TSC22D2: variants seen among roughly 807,000 people sequenced by gnomAD.
The protein encoded by TSC22D2 is TSC22 domain family protein 2.
In TSC22D2, 5 loss-of-function variants were observed where a neutral mutation model predicts 50.1. The observed-to-expected ratio is 0.10, with a 90% CI of 0.05 to 0.21. The LOEUF (loss-of-function observed/expected upper bound fraction) is 0.21, where lower values mean the gene tolerates loss of function less well. Ranked by LOEUF, TSC22D2 falls within the 10% of genes least tolerant of loss-of-function variation. The pLI is 1.00. For synonymous variants in TSC22D2, 501 were observed against 450.1 expected, an observed-to-expected ratio of 1.11 and a Z score of -1.43; for missense variants, 1,003 against 1,015.5, an observed-to-expected ratio of 0.99 and a Z score of 0.17.
chr3:150,420,637 C>T (rs6792759), intron 1 of TSC22D2, among the ~76,000 whole-genome samples: 88,498 of 152,054 alleles, frequency 0.58, 26,166 homozygotes, highest in Non-Finnish European at 0.64. Context: ...CGTTTTTCAC[C>T]TTTACATTTG....
At chr3:150,432,595 A>T (rs188359029) in intron 1 of TSC22D2, among the ~76,000 whole-genome samples, 83 of 152,050 alleles carry the variant, frequency 5.5e-4, no homozygotes, top group Middle Eastern at 6.8e-3. Flanking sequence ...TAAAAAAAAA[A>T]AATAATAAAT....
rs780083649 is a variant in TSC22D2, at chr3:150,409,679, C to T, written c.329C>T (p.Ala110Val). 3.8e-6 allele frequency: 6 copies of T among 1,592,700 alleles called. No homozygotes were observed. The highest frequency in any genetic ancestry group is 3.3e-5 in the South Asian group (3 of 89,600). ...GCCAACGGAGGAGGAGTCGTTTCGGCCCGGAGCGTGTCTGGGGCGCTCGCC... is the reference window on the plus strand; with the variant it reads ...GCCAACGGAGGAGGAGTCGTTTCGGTCCGGAGCGTGTCTGGGGCGCTCGCC... Reference protein sequence around the residue: ...APANGGGVVSARSVSGALAST... With the variant: ...APANGGGVVSVRSVSGALAST... Residue 110 changes from alanine (A) to valine (V), a missense_variant, in exon 1 of 3, where the codon GCC becomes GTC. This residue lies in a region of TSC22D2 where 200 missense variants were observed against 182.8 expected (regional missense o/e 1.09). Transcript: ENST00000688009. The surrounding 1 kb of genome is among the most constrained non-coding windows in gnomAD (Gnocchi z 7.4).
rs989543141 is a variant in TSC22D2 at position 150,459,986 on chromosome 3, ATG to A, written c.*1352_*1353del. The A allele has an allele frequency of 2.0e-5, 3 of 152,186 alleles. No homozygotes were observed. The highest frequency in any genetic ancestry group is 4.4e-5 in the Non-Finnish European group (3 of 68,028). 9.4% of individuals were successfully genotyped at this position (152,186 alleles called of 1,614,324 possible). A position where few individuals can be genotyped will look rare whatever the true frequency, so the allele number is the denominator to read the frequency against. On this transcript the variant is annotated 3_prime_UTR_variant, in exon 3 of 3. Coordinates refer to ENST00000688009, the MANE Select transcript of TSC22D2 (RefSeq NM_001303264.2). ...GTGTATACTGAGTATTTAAATTAAA[ATG>A]TACATTTCATAAATACAGTTTCAAA...
intron 1 of TSC22D2, among the ~76,000 whole-genome samples, chr3:150,447,069 C>T (rs1720910359): frequency 6.6e-6 from 1 of 152,064 alleles, no homozygotes; most frequent in Non-Finnish European, 1.5e-5. Context: ...TTGGTATATA[C>T]ATATACCAAA....
chr3:150,444,424 G>GTTTCTGCT (rs1184416852), intron 1 of TSC22D2, among the ~76,000 whole-genome samples: 3 of 152,158 alleles, frequency 2.0e-5, no homozygotes, highest in African/African-American at 7.2e-5. Context: ...GAGATGGACA[G>GTTTCTGCT]TTTCTGCTTT....
intron 1 of TSC22D2, among the ~76,000 whole-genome samples, chr3:150,451,996 G>A (rs983648054): frequency 3.9e-5 from 6 of 152,176 alleles, no homozygotes; most frequent in African/African-American, 7.2e-5. Flanking sequence ...AACTAGGACC[G>A]TGGGCTTGCT....
At chr3:150,450,595 AGGTTT>A (rs1193719957) in intron 1 of TSC22D2, among the ~76,000 whole-genome samples, 5 of 152,086 alleles carry the variant, frequency 3.3e-5, no homozygotes, top group African/African-American at 1.2e-4. Flanking sequence ...TTAACCATAG[AGGTTT>A]GCATTCAGCC....
chr3:150,444,439 G>T (rs2108092953), intron 1 of TSC22D2, among the ~76,000 whole-genome samples: 1 of 152,198 alleles, frequency 6.6e-6, no homozygotes, highest in South Asian at 2.1e-4. Context: ...TGCTTTTAAG[G>T]TTTAATTCAA....
At chr3:150,426,912 AT>A (rs935948409) in intron 1 of TSC22D2, among the ~76,000 whole-genome samples, 1 of 152,164 alleles carries the variant, frequency 6.6e-6, no homozygotes, top group Non-Finnish European at 1.5e-5. Flanking sequence ...AAGTCTTCTT[AT>A]TTAAATAGCC....
At chr3:150,414,465 C>G (rs1719723897) in intron 1 of TSC22D2, among the ~76,000 whole-genome samples, 1 of 152,194 alleles carries the variant, frequency 6.6e-6, no homozygotes, top group South Asian at 2.1e-4. Flanking sequence ...AATGTGAACT[C>G]TGTAGGCCGC....
At chr3:150,412,880 C>T (rs1050998287) in intron 1 of TSC22D2, among the ~76,000 whole-genome samples, 13 of 152,168 alleles carry the variant, frequency 8.5e-5, no homozygotes, top group Non-Finnish European at 1.5e-5. Context: ...CTAGCTGCCA[C>T]AAGCCAATTT....
At chr3:150,447,941 C>T (rs149792331) in intron 1 of TSC22D2, among the ~76,000 whole-genome samples, 15 of 152,174 alleles carry the variant, frequency 9.9e-5, no homozygotes, top group Admixed American at 2.0e-4. Flanking sequence ...ATGTATTATT[C>T]ACTCCTCAAT....
intron 1 of TSC22D2, among the ~76,000 whole-genome samples, chr3:150,437,833 T>C (rs1033895088): frequency 4.6e-5 from 7 of 151,312 alleles, no homozygotes; most frequent in Non-Finnish European, 8.8e-5. Context: ...ATAAATAAAA[T>C]AAAATAAAAT....
intron 1 of TSC22D2, among the ~76,000 whole-genome samples, chr3:150,439,942 A>G (rs6799981): frequency 0.2 from 30,483 of 152,096 alleles, 3,504 homozygotes; most frequent in African/African-American, 0.29. Context: ...TCTGTGCTCA[A>G]AGGTCAATTG....
intron 1 of TSC22D2, among the ~76,000 whole-genome samples, chr3:150,413,737 G>C (rs543614130): frequency 6.6e-6 from 1 of 151,958 alleles, no homozygotes; most frequent in South Asian, 2.1e-4. Flanking sequence ...TGTGATTTTG[G>C]GTTGCCGCCT....
intron 1 of TSC22D2, among the ~76,000 whole-genome samples, chr3:150,424,596 A>G (rs1265274172): frequency 1.3e-5 from 2 of 152,178 alleles, no homozygotes; most frequent in South Asian, 2.1e-4. Context: ...ATTTGTTGTT[A>G]CAGCTAAATA....
chr3:150,445,142 C>T (rs954953153), intron 1 of TSC22D2, among the ~76,000 whole-genome samples: 8 of 151,576 alleles, frequency 5.3e-5, no homozygotes, highest in African/African-American at 7.3e-5. Flanking sequence ...AATGAAACAT[C>T]GAGATCCCAA....
intron 1 of TSC22D2, among the ~76,000 whole-genome samples, chr3:150,427,047 T>C (rs1371870508): frequency 6.6e-6 from 1 of 152,124 alleles, no homozygotes; most frequent in Non-Finnish European, 1.5e-5. Context: ...ATTGGTACCA[T>C]ATGAGACAAT....
chr3:150,460,489 G>T lies in TSC22D2; in HGVS notation c.*1853G>T, dbSNP rs1160603808. On this transcript the variant is annotated 3_prime_UTR_variant, in exon 3 of 3. Transcript: ENST00000688009. ...ATCAGATTAGCCACAAACAAACAAGGCATAAAATTGGGATGTACATGAGAT... is the reference window on the plus strand; with the variant it reads ...ATCAGATTAGCCACAAACAAACAAGTCATAAAATTGGGATGTACATGAGAT... 1 of 152,068 alleles carries T rather than the reference G, an allele frequency of 6.6e-6. No individual in the cohort carries two copies. The highest frequency in any genetic ancestry group is 1.5e-5 in the Non-Finnish European group (1 of 67,996). 9.4% of individuals were successfully genotyped at this position (152,068 alleles called of 1,614,324 possible). A position where few individuals can be genotyped will look rare whatever the true frequency, so the allele number is the denominator to read the frequency against.
Sources: gnomAD v4.1 joint callset for allele counts (sites outside exome capture counted in the v4.1 genomes callset) on GRCh38, gnomAD v4.1.1 for gene constraint, gnomAD v4.1.1 regional missense constraint, Gnocchi (gnomAD v3.1) non-coding constraint, MANE v1.5 for transcripts, NCBI Gene and HGNC (gene_info 2026-07-23, HGNC 2026-07-21) for gene names.